The following ZNF488 variants were observed in gnomAD, a reference collection of about 807,000 sequenced individuals.
ZNF488 encodes zinc finger protein 488.
A neutral mutation model predicts 1.2 loss-of-function variants in ZNF488; 1 was observed. That is an observed-to-expected ratio of 0.86 (90% CI 0.30 to 4.07). The LOEUF (loss-of-function observed/expected upper bound fraction) is 4.07. Ranked by LOEUF, ZNF488 falls within the 30% of genes most tolerant of loss-of-function variation. ZNF488 has a pLI of 0.18. For missense variants in ZNF488, 450 were observed against 437.9 expected (o/e 1.03, Z -0.25); for synonymous variants, 185 against 190.1 (o/e 0.97, Z 0.22).
intron 1 of ZNF488, among the ~76,000 whole-genome samples, chr10:47,379,634 G>A (rs1475890438): frequency 6.6e-6 from 1 of 152,272 alleles, no homozygotes; most frequent in Non-Finnish European, 1.5e-5. Context: ...GACCTGCAAG[G>A]TGGAAAATGA....
chr10:47,380,892 T>C (rs1588889733), intron 1 of ZNF488, among the ~76,000 whole-genome samples: 1 of 68,476 alleles, frequency 1.5e-5, no homozygotes, highest in African/African-American at 7.0e-5. Flanking sequence ...GAAGGATTAA[T>C]ATAGAGAAAG....
In ZNF488 at chr10:47,372,096, T is replaced by C. The variant is rs1364688784; in HGVS notation, c.-108-3159A>G. 2.0e-5 allele frequency among the ~76,000 whole-genome samples: 3 copies of C among 152,168 alleles called. No individual in the cohort carries two copies. The South Asian group carries it at 6.2e-4, about 32-fold the overall frequency. On this transcript the variant is annotated intron_variant, in intron 1 of 1. Coordinates refer to ENST00000585316, the MANE Select transcript of ZNF488 (RefSeq NM_153034.4). ...TGTTCATTCATTCACTCAGTAAACA[T>C]GCAAAAAGCACCTACTATGTGCCAG...
intron 1 of ZNF488, among the ~76,000 whole-genome samples, chr10:47,382,568 C>T (rs1034812912): frequency 2.4e-4 from 36 of 152,080 alleles, no homozygotes; most frequent in African/African-American, 7.7e-4. Flanking sequence ...TATCCCTCCC[C>T]CCAGAATCCG....
chr10:47,368,700 C>A lies in ZNF488; in HGVS notation c.130G>T (p.Gly44Cys), dbSNP rs1434750949. Reference protein sequence around the residue: ...WRLSEPELGRGCKPVLLEKTN... With the variant: ...WRLSEPELGRCCKPVLLEKTN... ...TTCTCGAGCAGCACTGGCTTGCAGC[C>A]CCGGCCCAGCTCAGGTTCGCTAAGT... Residue 44 changes from glycine to cysteine, a missense_variant, in exon 2 of 2, where the codon GGC becomes TGC. Transcript: ENST00000585316. 1 of 1,612,776 alleles carries A rather than the reference C, an allele frequency of 6.2e-7. No individual in the cohort carries two copies. The highest frequency in any genetic ancestry group is 1.3e-5 in the African/African-American group (1 of 74,944).
intron 1 of ZNF488, among the ~76,000 whole-genome samples, chr10:47,380,134 T>A (rs1271796700): frequency 6.6e-6 from 1 of 152,262 alleles, no homozygotes; most frequent in African/African-American, 2.4e-5. Context: ...GTAGGTTCAG[T>A]TCACACCCGG....
intron 1 of ZNF488, among the ~76,000 whole-genome samples, chr10:47,378,653 G>A (rs1048996825): frequency 5.3e-5 from 8 of 152,224 alleles, no homozygotes; most frequent in African/African-American, 1.9e-4. Flanking sequence ...AAGGAGATGA[G>A]ACAGAGAGCC....
intron 1 of ZNF488, among the ~76,000 whole-genome samples, chr10:47,375,714 T>C (rs1031710034): frequency 6.6e-6 from 1 of 152,214 alleles, no homozygotes; most frequent in East Asian, 1.9e-4. Context: ...TCTTACACTT[T>C]ATTGTAAATG....
intron 1 of ZNF488, among the ~76,000 whole-genome samples, chr10:47,369,650 G>A (rs1588876950): frequency 6.6e-6 from 1 of 152,124 alleles, no homozygotes; most frequent in South Asian, 2.1e-4. Flanking sequence ...CTTCTTGTGA[G>A]AGTCAAGTGT....
Position 47,368,135 on chromosome 10 carries a change from G to C in ZNF488, c.695C>G (p.Thr232Ser), listed in dbSNP as rs1588873935. The C allele has an allele frequency of 1.9e-6, 3 of 1,614,190 alleles. No individual in the cohort carries two copies. Among genetic ancestry groups the C allele is most frequent in the Middle Eastern group, 1.6e-4 (1 of 6,062 alleles). The change falls in exon 2 of 2, where the codon ACT (threonine) becomes AGT (serine). Residue 232 changes from threonine (T) to serine (S), a missense_variant. Transcript: ENST00000585316. ...ALPQNAPLCS[T>S]FLGAPTLWLE... ...CCACAGTGTAGGGGCACCCAGAAAA[G>C]TGCTACAGAGTGGAGCATTCTGTGG...
chr10:47,376,718 TGG>T (rs1480789536), intron 1 of ZNF488, among the ~76,000 whole-genome samples: 3 of 152,138 alleles, frequency 2.0e-5, no homozygotes, highest in African/African-American at 7.2e-5. Context: ...TCCAGCAGAA[TGG>T]GGGCTCAAGC....
At chr10:47,371,273 G>A (rs1019379476) in intron 1 of ZNF488, among the ~76,000 whole-genome samples, 4 of 152,010 alleles carry the variant, frequency 2.6e-5, no homozygotes, top group Admixed American at 2.6e-4. Context: ...TTTAAGTGTG[G>A]CTATAAAGAC....
intron 1 of ZNF488, among the ~76,000 whole-genome samples, chr10:47,374,860 G>T (rs1837618120): frequency 6.6e-6 from 1 of 152,174 alleles, no homozygotes; most frequent in African/African-American, 2.4e-5. Context: ...GATGTATCTG[G>T]CTGCTTGTGA....
In ZNF488 at chr10:47,383,261, G is replaced by A. The variant is rs539282581; in HGVS notation, c.-109+959C>T. Reference sequence around the variant, plus strand: ...ATAAAATGTCTAATGTCTCCCTCAGGAGTAATTAATTTCATTTCTGTACAT... The same window carrying A: ...ATAAAATGTCTAATGTCTCCCTCAGAAGTAATTAATTTCATTTCTGTACAT... On this transcript the variant is annotated intron_variant, in intron 1 of 1. Coordinates refer to ENST00000585316, the MANE Select transcript of ZNF488 (RefSeq NM_153034.4). Among the ~76,000 whole-genome samples, 252 of 152,274 alleles carry A rather than the reference G, an allele frequency of 1.7e-3. 2 individuals are homozygous for A. Among genetic ancestry groups the A allele is most frequent in the African/African-American group, 5.9e-3 (246 of 41,550 alleles).
At chr10:47,381,847 G>A (rs1837974797) in intron 1 of ZNF488, among the ~76,000 whole-genome samples, 2 of 152,246 alleles carry the variant, frequency 1.3e-5, no homozygotes, top group Non-Finnish European at 2.9e-5. Context: ...CAGATTGAGA[G>A]TCTGCCATGA....
At chr10:47,370,077 G>A (rs1343461322) in intron 1 of ZNF488, among the ~76,000 whole-genome samples, 1 of 152,110 alleles carries the variant, frequency 6.6e-6, no homozygotes, top group African/African-American at 2.4e-5. Flanking sequence ...CCTGCACAGA[G>A]AGGAGAATGT....
intron 1 of ZNF488, among the ~76,000 whole-genome samples, chr10:47,372,565 A>C (rs1403566032): frequency 6.6e-6 from 1 of 152,120 alleles, no homozygotes; most frequent in African/African-American, 2.4e-5. Context: ...AAATAAAGAG[A>C]AGGAGAAAAC....
At chr10:47,376,430 A>G (rs538273567) in intron 1 of ZNF488, among the ~76,000 whole-genome samples, 1 of 152,280 alleles carries the variant, frequency 6.6e-6, no homozygotes, top group African/African-American at 2.4e-5. Context: ...ATTCACACTA[A>G]GCCAGGTCAG....
Position 47,367,735 on chromosome 10 carries a change from A to G in ZNF488, c.*72T>C. On this transcript the variant is annotated 3_prime_UTR_variant, in exon 2 of 2. Transcript: ENST00000585316. Reference sequence around the variant, plus strand: ...GCAAAGGACCATGACAGCCCCCTCAACGCAGGCCCAGGGAGCCCCCCTCTG... The same window carrying G: ...GCAAAGGACCATGACAGCCCCCTCAGCGCAGGCCCAGGGAGCCCCCCTCTG... 12 of 1,518,550 alleles carry G rather than the reference A, an allele frequency of 7.9e-6. No individual in the cohort carries two copies. The highest frequency in any genetic ancestry group is 1.1e-5 in the Non-Finnish European group (12 of 1,127,136). 94.1% of individuals were successfully genotyped at this position (1,518,550 alleles called of 1,614,324 possible).
intron 1 of ZNF488, among the ~76,000 whole-genome samples, chr10:47,375,037 C>G (rs1837626505): frequency 6.6e-6 from 1 of 152,176 alleles, no homozygotes; most frequent in African/African-American, 2.4e-5. Context: ...AAAGCTCACC[C>G]CCTGACGAAA....
Sources: allele counts gnomAD v4.1 joint callset (sites outside exome capture counted in the v4.1 genomes callset), GRCh38; gene constraint gnomAD v4.1.1; transcripts MANE v1.5; gene names NCBI Gene and HGNC (gene_info 2026-07-23, HGNC 2026-07-21).